STRA6: variants seen among roughly 807,000 people sequenced by gnomAD.
STRA6 encodes receptor for retinol uptake STRA6.
STRA6 carries 48 observed loss-of-function variants against 83.6 expected under a neutral mutation model. The observed-to-expected ratio is 0.57, with a 90% CI of 0.46 to 0.73. The LOEUF (loss-of-function observed/expected upper bound fraction) is 0.73. Ranked by LOEUF, STRA6 falls within the 30% of genes least tolerant of loss-of-function variation. The probability of loss-of-function intolerance (pLI) is 0.00; values close to 1 mark genes in which losing one functional copy is unlikely to be tolerated. For missense variants in STRA6, 760 were observed against 838.8 expected (o/e 0.91, Z 1.16); for synonymous variants, 353 against 362.3 (o/e 0.97, Z 0.29).
At chr15:74,181,047 A>T in intron 17 of STRA6, 110 bp from the exon 18 acceptor site, 2 of 1,494,806 alleles carry the variant, frequency 1.3e-6, no homozygotes, top group South Asian at 2.4e-5. Flanking sequence ...CCTGCATCCA[A>T]GCATGTCGAC....
chr15:74,209,448 T>C, upstream of STRA6: 1 of 1,535,472 alleles, frequency 6.5e-7, no homozygotes, highest in Non-Finnish European at 8.7e-7. Flanking sequence ...AATAACCGGA[T>C]CTGCATCCTG....
chr15:74,180,364 G>A (rs1022614189), intron 18 of STRA6, 121 bp from the exon 19 acceptor site: 1 of 1,232,582 alleles, frequency 8.1e-7, no homozygotes, highest in Non-Finnish European at 1.2e-6. Flanking sequence ...GGCTTAGGAT[G>A]TCCCCTGCAG....
chr15:74,208,028 C>T (rs528186691), intron 1 of STRA6: 4 of 1,367,014 alleles, frequency 2.9e-6, no homozygotes, highest in Non-Finnish European at 3.8e-6. Flanking sequence ...TCTCATGCCC[C>T]CCTCACCAAC....
chr15:74,186,990 C>T (rs2073285269), intron 12 of STRA6, among the ~76,000 whole-genome samples: 1 of 152,238 alleles, frequency 6.6e-6, no homozygotes, highest in Non-Finnish European at 1.5e-5. Flanking sequence ...CGCAGGGACA[C>T]TTTTCTCAGA....
intron 8 of STRA6, among the ~76,000 whole-genome samples, chr15:74,193,438 A>C (rs2073649659): frequency 6.6e-6 from 1 of 152,138 alleles, no homozygotes; most frequent in Non-Finnish European, 1.5e-5. Flanking sequence ...GTGCTTCCTG[A>C]ATCATCTCAT....
intron 7 of STRA6, chr15:74,194,506 G>A (rs1337923228): frequency 6.2e-6 from 3 of 486,974 alleles, no homozygotes; most frequent in Non-Finnish European, 8.7e-6. Context: ...CCACCCTGAG[G>A]GACTGGTGTT....
intron 11 of STRA6, among the ~76,000 whole-genome samples, chr15:74,190,162 C>A (rs914510871): frequency 2.0e-5 from 3 of 152,170 alleles, no homozygotes; most frequent in African/African-American, 7.2e-5. Context: ...GTGTCTGCAC[C>A]TCTATCTATT....
At chr15:74,193,726 T>C in intron 8 of STRA6, 74 bp downstream of exon 8, 4 of 1,602,960 alleles carry the variant, frequency 2.5e-6, no homozygotes, top group Non-Finnish European at 3.4e-6. Flanking sequence ...GCCATGTATC[T>C]GGGACCACAG....
chr15:74,183,047 T>G (rs998015000), intron 14 of STRA6, among the ~76,000 whole-genome samples: 3 of 152,184 alleles, frequency 2.0e-5, no homozygotes, highest in Admixed American at 2.0e-4. Context: ...ACAAGGCCCT[T>G]GGATGTGCAA....
At chr15:74,208,609 GT>G in intron 1 of STRA6, among the ~76,000 whole-genome samples, 1 of 152,100 alleles carries the variant, frequency 6.6e-6, no homozygotes. Context: ...GCCCCCCAGT[GT>G]CCCCTGAGGG....
chr15:74,209,093 C>G (rs2074327483), upstream of STRA6: 26 of 1,290,366 alleles, frequency 2.0e-5, no homozygotes, highest in Non-Finnish European at 2.4e-5. Flanking sequence ...CCTGCCCTCA[C>G]AGACCTCCCG....
intron 12 of STRA6, among the ~76,000 whole-genome samples, chr15:74,186,308 A>C (rs368348190): frequency 3.3e-5 from 5 of 152,206 alleles, no homozygotes; most frequent in African/African-American, 1.2e-4. Flanking sequence ...GGTGCCTACT[A>C]CAGTGGTGAT....
chr15:74,181,156 G>A (rs763738075), intron 17 of STRA6, 139 bp downstream of exon 17: 22 of 1,406,042 alleles, frequency 1.6e-5, no homozygotes, highest in African/African-American at 7.1e-5. Context: ...GAGGCACAGC[G>A]CAGGGGCACA....
upstream of STRA6, among the ~76,000 whole-genome samples, chr15:74,204,850 G>A (rs1595867680): frequency 1.3e-5 from 2 of 152,040 alleles, no homozygotes; most frequent in South Asian, 2.1e-4. Context: ...CAGGAGAATC[G>A]CTTGAACCCA....
At chr15:74,207,620 A>AC, upstream of STRA6, 1 of 1,355,842 alleles carries the variant, frequency 7.4e-7, no homozygotes. Context: ...CCTCAGGTAC[A>AC]CCCCCAACTT....
intron 6 of STRA6, 65 bp downstream of exon 6, chr15:74,195,587 G>A (rs1189726308): frequency 2.6e-6 from 4 of 1,558,602 alleles, no homozygotes; most frequent in African/African-American, 1.4e-5. Context: ...CGTTCAGTGG[G>A]CAAGAACACT....
Position 74,181,290 on chromosome 15 carries a change from C to G in STRA6, c.1684+5G>C. 1 of 1,613,014 alleles carries G rather than the reference C, an allele frequency of 6.2e-7. No individual in the cohort carries two copies. On this transcript the variant is annotated splice_donor_5th_base_variant and intron_variant, in intron 17 of 18. Coordinates refer to ENST00000395105, the MANE Select transcript of STRA6 (RefSeq NM_022369.4). ...CAATCCTCCAGCCCCGCCCAGTGACCTTACCGGGGTCGAGAGTGGCGGCTC... is the reference window on the plus strand; with the variant it reads ...CAATCCTCCAGCCCCGCCCAGTGACGTTACCGGGGTCGAGAGTGGCGGCTC...
chr15:74,183,630 G>A, intron 14 of STRA6: 1 of 1,413,402 alleles, frequency 7.1e-7, no homozygotes, highest in Non-Finnish European at 9.2e-7. Context: ...TCATCTCCAT[G>A]TGGAGGGTAC....
At chr15:74,194,675 T>A in intron 7 of STRA6, 1 of 933,920 alleles carries the variant, frequency 1.1e-6, no homozygotes. Context: ...TGTTCATAGC[T>A]GTAGTCCAGT....
Sources: allele counts gnomAD v4.1 joint callset (sites outside exome capture counted in the v4.1 genomes callset), GRCh38; gene constraint gnomAD v4.1.1; transcripts MANE v1.5; gene names NCBI Gene and HGNC (gene_info 2026-07-23, HGNC 2026-07-21).